PXDNL: variants seen among roughly 807,000 people sequenced by gnomAD.
PXDNL encodes the protein peroxidasin like, also known as probable oxidoreductase PXDNL.
Under a neutral mutation model 150.8 loss-of-function variants are expected in PXDNL, and 145 were observed. The observed-to-expected ratio is 0.96, with a 90% confidence interval of 0.84 to 1.10. The LOEUF is 1.10. Among genes scored for constraint, PXDNL ranks in the 50% least tolerant of loss-of-function variants. The pLI is 0.00. For synonymous variants in PXDNL, 757 were observed against 725.7 expected (o/e 1.04, Z -0.69); for missense variants, 2,087 against 1,873.9 (o/e 1.11, Z -2.10).
chr8:51,411,178 T>C (rs1411132717), intron 16 of PXDNL, 72 bp downstream of exon 16: 2 of 1,209,322 alleles, frequency 1.7e-6, no homozygotes, highest in Non-Finnish European at 2.1e-6. Context: ...AAAAGTTCAG[T>C]GTCCTTTGCT....
At chr8:51,371,543 C>A (rs1807113504) in intron 19 of PXDNL, among the ~76,000 whole-genome samples, 1 of 152,126 alleles carries the variant, frequency 6.6e-6, no homozygotes, top group Non-Finnish European at 1.5e-5. Context: ...TTAGATGAAC[C>A]CCAAGAAGTA....
At chr8:51,703,612 A>G (rs749986813) in intron 1 of PXDNL, among the ~76,000 whole-genome samples, 20 of 152,156 alleles carry the variant, frequency 1.3e-4, no homozygotes, top group Non-Finnish European at 1.9e-4. Flanking sequence ...CTTGATAAAA[A>G]CACTAGAATC....
intron 20 of PXDNL, among the ~76,000 whole-genome samples, chr8:51,343,731 A>G (rs934709197): frequency 9.9e-5 from 15 of 152,186 alleles, no homozygotes; most frequent in Admixed American, 7.9e-4. Flanking sequence ...CCCCATCACC[A>G]TCTTATAAAA....
At chr8:51,356,055 T>C (rs954291557) in intron 19 of PXDNL, among the ~76,000 whole-genome samples, 1 of 152,216 alleles carries the variant, frequency 6.6e-6, no homozygotes, top group Non-Finnish European at 1.5e-5. Flanking sequence ...CTGAGCTCTA[T>C]CCCTAGGTCT....
intron 17 of PXDNL, among the ~76,000 whole-genome samples, chr8:51,394,274 G>A (rs536907190): frequency 2.0e-5 from 3 of 152,192 alleles, no homozygotes; most frequent in South Asian, 2.1e-4. Flanking sequence ...TGCAACAAAC[G>A]CCAGCCAAAT....
intron 4 of PXDNL, among the ~76,000 whole-genome samples, chr8:51,550,323 G>A (rs774777937): frequency 2.4e-4 from 37 of 152,056 alleles, no homozygotes; most frequent in Admixed American, 4.6e-4. Flanking sequence ...GGAATCCTCC[G>A]TAAATCAGTC....
At chr8:51,738,556 C>T (rs1005951537) in intron 1 of PXDNL, among the ~76,000 whole-genome samples, 1 of 151,924 alleles carries the variant, frequency 6.6e-6, no homozygotes, top group African/African-American at 2.4e-5. Flanking sequence ...AAACTGGAAA[C>T]ACACGCACAC....
At chr8:51,503,619 T>C (rs535177440) in intron 4 of PXDNL, among the ~76,000 whole-genome samples, 2 of 152,308 alleles carry the variant, frequency 1.3e-5, no homozygotes, top group Admixed American at 1.3e-4. Flanking sequence ...CTATTGCAGG[T>C]AGATAAATAT....
rs1481132039 is a variant in PXDNL at position 51,449,117 on chromosome 8, A to G, written c.1251T>C (p.Ala417=). Residue 417 remains alanine, a splice_region_variant and synonymous_variant, in exon 11 of 23, where the codon GCT becomes GCC. Transcript: ENST00000356297. ...VQAAANIIVQ[A]PPQFTVTPKD... is the part of the protein sequence containing the mutation. ...TGGGGGTTACTGTAAATTGTGGAGG[A>G]GCTAAAGAGAATGAAACATACATCA... 4.6e-6 allele frequency: 7 copies of G among 1,506,040 alleles called. No homozygotes were observed. Among genetic ancestry groups the G allele is most frequent in the Non-Finnish European group, 6.3e-6 (7 of 1,113,220 alleles). The allele number at this position is 1,506,040 out of a possible 1,614,324, so 93.3% of individuals were successfully genotyped here.
intron 1 of PXDNL, among the ~76,000 whole-genome samples, chr8:51,749,825 T>C (rs1212304249): frequency 6.6e-6 from 1 of 152,078 alleles, no homozygotes; most frequent in South Asian, 2.1e-4. Context: ...CTCAGCCTCC[T>C]GAGTAGCTGG....
chr8:51,735,160 T>G (rs766935861), intron 1 of PXDNL, among the ~76,000 whole-genome samples: 3 of 152,224 alleles, frequency 2.0e-5, no homozygotes, highest in Non-Finnish European at 4.4e-5. Context: ...GCCATAAATA[T>G]ATACAATTTT....
rs567458796 is a variant in PXDNL, at chr8:51,475,036, G to T, written c.630C>A (p.Cys210Ter). The T allele has an allele frequency of 6.2e-7, 1 of 1,612,790 alleles. No individual in the cohort carries two copies. Among genetic ancestry groups the T allele is most frequent in the Non-Finnish European group, 8.5e-7 (1 of 1,179,360 alleles). ...GCCCATGGAGTCTCCTGGGATATTC[G>T]CAGGTAGCCGCAGCCTGGGTGTGGC... The part of the protein sequence containing the change: ...QHGHTQAAAT[C>*]EYPRRLHGRA... Residue 210 changes from cysteine to a stop codon, truncating the protein, a stop_gained, in exon 7 of 23, where the codon TGC becomes TGA. Transcript: ENST00000356297. LOFTEE classifies it high-confidence loss of function.
intron 6 of PXDNL, among the ~76,000 whole-genome samples, chr8:51,480,552 A>G (rs945280888): frequency 6.6e-5 from 10 of 152,190 alleles, no homozygotes; most frequent in Non-Finnish European, 1.2e-4. Flanking sequence ...AGGGATTACA[A>G]TTGCACATGA....
chr8:51,415,917 A>T (rs562880433), intron 14 of PXDNL, among the ~76,000 whole-genome samples: 4 of 152,330 alleles, frequency 2.6e-5, no homozygotes, highest in Admixed American at 2.0e-4. Flanking sequence ...AAACAATACT[A>T]TAAACATAGC....
At chr8:51,516,271 C>T (rs1811537074) in intron 4 of PXDNL, among the ~76,000 whole-genome samples, 1 of 152,120 alleles carries the variant, frequency 6.6e-6, no homozygotes, top group Non-Finnish European at 1.5e-5. Context: ...TGGTGAAAAG[C>T]AGAGCCCTGA....
intron 17 of PXDNL, among the ~76,000 whole-genome samples, chr8:51,386,936 G>A (rs568386289): frequency 2.0e-5 from 3 of 151,602 alleles, no homozygotes; most frequent in Non-Finnish European, 4.4e-5. Flanking sequence ...TTTCATTTAT[G>A]TCCTCAAAAC....
At chr8:51,807,014 G>A (rs1272122822) in intron 1 of PXDNL, among the ~76,000 whole-genome samples, 2 of 152,148 alleles carry the variant, frequency 1.3e-5, no homozygotes, top group African/African-American at 2.4e-5. Context: ...CTTCCATAGT[G>A]TTTACTAGAG....
chr8:51,644,430 A>ATGTGTGTGTATATATATACACATG (rs1563493910), intron 2 of PXDNL, among the ~76,000 whole-genome samples: 6 of 131,918 alleles, frequency 4.5e-5, no homozygotes, highest in African/African-American at 2.0e-4. Context: ...ATATACACAT[A>ATGTGTGTGTATATATATACACATG]TGTGTGTGTA....
chr8:51,708,002 A>G (rs753865728), intron 1 of PXDNL, among the ~76,000 whole-genome samples: 16 of 152,212 alleles, frequency 1.1e-4, no homozygotes, highest in Non-Finnish European at 2.2e-4. Context: ...GCAAAGGTCA[A>G]TAAATAAATT....
Sources: gnomAD v4.1 joint callset for allele counts (sites outside exome capture counted in the v4.1 genomes callset) on GRCh38, gnomAD v4.1.1 for gene constraint, MANE v1.5 for transcripts, NCBI Gene and HGNC (gene_info 2026-07-23, HGNC 2026-07-21) for gene names.